Variants in FNDC3B observed in about 807,000 individuals in gnomAD.
The protein encoded by FNDC3B is fibronectin type III domain-containing protein 3B.
FNDC3B carries 12 observed loss-of-function variants against 151.5 expected under a neutral mutation model. That is an observed-to-expected ratio of 0.08 (90% CI 0.05 to 0.13). The LOEUF is 0.13. FNDC3B is among the 10% of genes least tolerant of loss of function. The pLI is 1.00. For synonymous variants in FNDC3B, 528 were observed against 549.0 expected, an observed-to-expected ratio of 0.96 and a Z score of 0.54; for missense variants, 1,214 against 1,505.3, an observed-to-expected ratio of 0.81 and a Z score of 3.20.
chr3:172,300,315 G>T (rs6795768), intron 9 of FNDC3B, among the ~76,000 whole-genome samples: 1 of 152,040 alleles, frequency 6.6e-6, no homozygotes, highest in Admixed American at 6.5e-5. Context: ...TTTCTGCTCC[G>T]TGCTTTAACA....
intron 6 of FNDC3B, among the ~76,000 whole-genome samples, chr3:172,256,986 G>A (rs1576845251): frequency 6.6e-6 from 1 of 151,470 alleles, no homozygotes; most frequent in Non-Finnish European, 1.5e-5. Context: ...GCTGGAGTGC[G>A]GTGGCGCAAT....
At chr3:172,113,449 A>G (rs1286005480) in intron 2 of FNDC3B, among the ~76,000 whole-genome samples, 1 of 152,216 alleles carries the variant, frequency 6.6e-6, no homozygotes, top group South Asian at 2.1e-4. Flanking sequence ...ATCGTAGTAT[A>G]TTCTTTGCAT....
chr3:172,311,218 T>A (rs905983334), intron 11 of FNDC3B, among the ~76,000 whole-genome samples: 3 of 152,214 alleles, frequency 2.0e-5, no homozygotes, highest in Non-Finnish European at 4.4e-5. Context: ...GCTCAGATGA[T>A]TTTGATAAGG....
intron 3 of FNDC3B, among the ~76,000 whole-genome samples, chr3:172,163,882 T>C (rs1188833901): frequency 6.6e-6 from 1 of 152,234 alleles, no homozygotes; most frequent in Non-Finnish European, 1.5e-5. Context: ...TAATCTTTTC[T>C]CCCACAGCAT....
chr3:172,225,972 A>G (rs1452566970), intron 3 of FNDC3B: 2 of 152,196 alleles, frequency 1.3e-5, no homozygotes, highest in South Asian at 4.1e-4. Context: ...GAAATAATCC[A>G]TGTAAATTTG....
intron 23 of FNDC3B, among the ~76,000 whole-genome samples, chr3:172,372,605 G>C (rs1021382937): frequency 3.3e-5 from 5 of 152,180 alleles, no homozygotes; most frequent in Non-Finnish European, 5.9e-5. Flanking sequence ...GTCTGGCATA[G>C]GCTGTAACAG....
chr3:172,283,613 A>G (rs565702976), intron 6 of FNDC3B, among the ~76,000 whole-genome samples: 4 of 152,352 alleles, frequency 2.6e-5, no homozygotes, highest in African/African-American at 9.6e-5. Flanking sequence ...TTTGAACATA[A>G]CTATGTGAGT....
chr3:172,331,323 T>C (rs1313162742), intron 13 of FNDC3B, among the ~76,000 whole-genome samples: 3 of 152,186 alleles, frequency 2.0e-5, no homozygotes, highest in Non-Finnish European at 2.9e-5. Flanking sequence ...TTGCTTCCAC[T>C]CACTGTAGTC....
chr3:172,097,215 CT>C (rs1334075914), intron 1 of FNDC3B, among the ~76,000 whole-genome samples: 1 of 152,198 alleles, frequency 6.6e-6, no homozygotes, highest in Non-Finnish European at 1.5e-5. Flanking sequence ...GTGGAACCTG[CT>C]TCCCCCACCC....
At chr3:172,240,615 C>G (rs529101083) in intron 4 of FNDC3B, among the ~76,000 whole-genome samples, 1 of 152,274 alleles carries the variant, frequency 6.6e-6, no homozygotes, top group East Asian at 1.9e-4. Flanking sequence ...TATGAAAAAT[C>G]TTGGTTCTGC....
At chr3:172,330,847 C>T in intron 13 of FNDC3B, 132 bp downstream of exon 13, 3 of 651,248 alleles carry the variant, frequency 4.6e-6, no homozygotes. Context: ...CTGTCACCAC[C>T]ACTACCAACA....
chr3:172,251,292 A>G lies in FNDC3B; in HGVS notation c.541A>G (p.Ile181Val), dbSNP rs1372962780. ...IIPFYGMSTY[I>V]TREDQYSKPP... ...ACCATTTTATGGAATGTCAACCTAC[A>G]TCACCCGAGAAGACCAGTACAGCAA... is the stretch of plus-strand genomic sequence containing the variant. The change falls in exon 6 of 26, where the codon ATC becomes GTC. Residue 181 changes from isoleucine to valine, a missense_variant. Transcript: ENST00000415807. 1.9e-6 allele frequency: 3 copies of G among 1,613,124 alleles called. No homozygotes were observed. The highest frequency in any genetic ancestry group is 3.3e-5 in the Admixed American group (2 of 59,990).
chr3:172,120,959 T>G (rs1720512778), intron 2 of FNDC3B, among the ~76,000 whole-genome samples: 1 of 151,780 alleles, frequency 6.6e-6, no homozygotes, highest in African/African-American at 2.4e-5. Context: ...AGCAAAACTC[T>G]GTCTCAAAAA....
intron 1 of FNDC3B, among the ~76,000 whole-genome samples, chr3:172,072,232 T>C (rs1717814583): frequency 6.6e-6 from 1 of 150,734 alleles, no homozygotes; most frequent in Non-Finnish European, 1.5e-5. Context: ...CAAGGTTTTA[T>C]TTAATTTTAA....
At chr3:172,045,843 A>T (rs1716344100) in intron 1 of FNDC3B, among the ~76,000 whole-genome samples, 1 of 151,140 alleles carries the variant, frequency 6.6e-6, no homozygotes, top group African/African-American at 2.4e-5. Context: ...TGGTTATGGC[A>T]TTATGTGTTG....
At chr3:172,355,705 G>A (rs950840126) in intron 22 of FNDC3B, among the ~76,000 whole-genome samples, 3 of 152,110 alleles carry the variant, frequency 2.0e-5, no homozygotes, top group Non-Finnish European at 4.4e-5. Flanking sequence ...CCCCAGAGGG[G>A]GCCTAAACAT....
chr3:172,101,771 T>G (rs952979762), intron 1 of FNDC3B, among the ~76,000 whole-genome samples: 1 of 152,230 alleles, frequency 6.6e-6, no homozygotes, highest in African/African-American at 2.4e-5. Flanking sequence ...AGACATAACT[T>G]TAGCAATTTA....
chr3:172,233,406 A>C (rs1726982399), intron 4 of FNDC3B, among the ~76,000 whole-genome samples: 1 of 152,226 alleles, frequency 6.6e-6, no homozygotes, highest in Non-Finnish European at 1.5e-5. Context: ...TACCTGTTGA[A>C]ATTATATATA....
intron 10 of FNDC3B, 126 bp from the exon 11 acceptor site, chr3:172,310,702 A>G: frequency 1.3e-6 from 1 of 753,598 alleles, no homozygotes; most frequent in Non-Finnish European, 2.4e-6. Flanking sequence ...CGCAGGAACC[A>G]TCAGCTTTAT....
Sources: allele counts gnomAD v4.1 joint callset (sites outside exome capture counted in the v4.1 genomes callset), GRCh38; gene constraint gnomAD v4.1.1; transcripts MANE v1.5; gene names NCBI Gene and HGNC (gene_info 2026-07-23, HGNC 2026-07-21).